ACP7: variants seen among roughly 807,000 people sequenced by gnomAD.
The protein encoded by ACP7 is acid phosphatase type 7.
Under a neutral mutation model 60.6 loss-of-function variants are expected in ACP7, and 58 were observed. The ratio of observed to expected loss-of-function variants is 0.96; its 90% CI spans 0.77 to 1.19. The LOEUF (loss-of-function observed/expected upper bound fraction) is 1.19. ACP7 is among the 50% of genes most tolerant of loss of function. The pLI, the probability that ACP7 is intolerant of heterozygous loss-of-function variation, is 0.00. For missense variants in ACP7, 574 were observed against 596.2 expected (o/e 0.96, Z 0.39); for synonymous variants, 237 against 232.6 (o/e 1.02, Z -0.17).
Position 39,100,569 on chromosome 19 carries a change from C to G in ACP7, c.630-11C>G. The G allele has an allele frequency of 1.1e-5, 18 of 1,613,798 alleles. No individual in the cohort carries two copies. The highest frequency in any genetic ancestry group is 1.5e-5 in the Non-Finnish European group (18 of 1,179,730). ...CCTTCACCTCCATCCCTTGTACTTC[C>G]TTTATTCCAGCAACTTCTCTAACTA... On this transcript the variant is annotated splice_polypyrimidine_tract_variant and intron_variant, in intron 5 of 12. Coordinates refer to ENST00000331256, the MANE Select transcript of ACP7 (RefSeq NM_001004318.3).
chr19:39,094,107 A>G (rs1279631232), intron 2 of ACP7, among the ~76,000 whole-genome samples: 1 of 152,162 alleles, frequency 6.6e-6, no homozygotes, highest in Non-Finnish European at 1.5e-5. Context: ...TAAAACCTTG[A>G]CTTGGGTGCT....
At position 39,110,791 on chromosome 19, in the gene ACP7, C is replaced by T. The variant is rs2073462333; in HGVS notation, c.*673C>T. ...TGCCAGTTCCTTCCCTCTTTCCTTC[C>T]TTTCTTTCCCTTCTTTTATTTATTG... On this transcript the variant is annotated 3_prime_UTR_variant, in exon 13 of 13. Coordinates refer to ENST00000331256, the MANE Select transcript of ACP7 (RefSeq NM_001004318.3). 6.6e-6 allele frequency: 1 copy of T among 152,262 alleles called. No homozygotes were observed. Among genetic ancestry groups the T allele is most frequent in the Admixed American group, 6.5e-5 (1 of 15,270 alleles). 9.4% of individuals were successfully genotyped at this position (152,262 alleles called of 1,614,324 possible).
intron 2 of ACP7, among the ~76,000 whole-genome samples, chr19:39,094,487 A>T (rs138648496): frequency 1.7e-3 from 213 of 125,774 alleles, no homozygotes; most frequent in African/African-American, 5.9e-3. Context: ...TGGGCGACAG[A>T]GTGAGACTTA....
intron 2 of ACP7, among the ~76,000 whole-genome samples, chr19:39,090,192 G>A (rs996763812): frequency 2.6e-5 from 4 of 151,244 alleles, no homozygotes; most frequent in African/African-American, 2.4e-5. Flanking sequence ...TTTTTGAGAC[G>A]GAGTCTTGCT....
chr19:39,094,633 G>A (rs931617236), intron 2 of ACP7, among the ~76,000 whole-genome samples: 7 of 151,906 alleles, frequency 4.6e-5, no homozygotes, highest in Non-Finnish European at 1.0e-4. Context: ...GACCAGCCTG[G>A]GCAACATGGC....
chr19:39,096,030 C>T (rs1343117578), intron 2 of ACP7, among the ~76,000 whole-genome samples: 2 of 152,226 alleles, frequency 1.3e-5, no homozygotes, highest in Non-Finnish European at 2.9e-5. Flanking sequence ...CCTCCTAGAC[C>T]TCTGGGTCTG....
At chr19:39,091,158 T>C (rs2073199657) in intron 2 of ACP7, among the ~76,000 whole-genome samples, 1 of 151,326 alleles carries the variant, frequency 6.6e-6, no homozygotes, top group Admixed American at 6.6e-5. Context: ...CCAGTTTCTT[T>C]TCTTTCTTTT....
In ACP7 at chr19:39,085,374, C is replaced by G. The variant is rs752365158; in HGVS notation, c.105C>G (p.Val35=). Residue 35 remains valine (V), a synonymous_variant, in exon 2 of 13, where the codon GTC becomes GTG. Coordinates refer to ENST00000331256, the MANE Select transcript of ACP7 (RefSeq NM_001004318.3). The part of the protein sequence containing the change: ...LGAPSAAPEQ[V]HLSYPGEPGS... ...CTCCCAGCGCTGCCCCAGAGCAAGTCCATCTGTCTTACCCAGGTAAGTGTC... is the reference window on the plus strand; with the variant it reads ...CTCCCAGCGCTGCCCCAGAGCAAGTGCATCTGTCTTACCCAGGTAAGTGTC... The G allele has an allele frequency of 7.4e-6, 12 of 1,612,124 alleles. No individual in the cohort carries two copies. In the South Asian group the frequency reaches 1.2e-4, roughly 16 times the overall value.
At chr19:39,094,743 C>T (rs1012375869) in intron 2 of ACP7, among the ~76,000 whole-genome samples, 5 of 152,056 alleles carry the variant, frequency 3.3e-5, no homozygotes, top group African/African-American at 1.2e-4. Flanking sequence ...GGGAGGATCA[C>T]TTGAACCCAG....
rs117752516 is a variant in ACP7, at chr19:39,101,189, G to T, written c.955G>T (p.Asp319Tyr). ...GLQGKLYGLE[D>Y]LFYKYGVDLQ... ...CCAAGGCAAGCTGTACGGGTTGGAG[G>T]ATCTTTTCTACAAATATGGTGAGCG... Residue 319 changes from aspartate (D) to tyrosine (Y), a missense_variant, in exon 9 of 13, where the codon GAT becomes TAT. Physicochemically the swap from Asp to Tyr is radical, Grantham distance 160 (BLOSUM62 -3). Coordinates refer to ENST00000331256, the MANE Select transcript of ACP7 (RefSeq NM_001004318.3). 24,485 of 1,614,114 alleles carry T rather than the reference G, an allele frequency of 0.015. 291 individuals are homozygous for T. Among genetic ancestry groups the T allele is most frequent in the Non-Finnish European group, 0.015 (18,271 of 1,180,016 alleles).
intron 2 of ACP7, 36 bp from the exon 3 acceptor site, chr19:39,098,422 T>C (rs2073294964): frequency 6.9e-7 from 1 of 1,443,508 alleles, no homozygotes; most frequent in Non-Finnish European, 9.2e-7. Flanking sequence ...TGCCCAGGCT[T>C]CACTCCCGGT....
In ACP7 at chr19:39,106,819, C is replaced by T. The variant is rs113978475; in HGVS notation, c.1114-128C>T. On this transcript the variant is annotated intron_variant, in intron 11 of 12. Transcript: ENST00000331256. ...AATTACAGGCATGAGCCACTGCGCCCGGCCTCTATGGTGGTCAAGTCTTCA... is the reference window on the plus strand; with the variant it reads ...AATTACAGGCATGAGCCACTGCGCCTGGCCTCTATGGTGGTCAAGTCTTCA... 8.8e-5 allele frequency: 103 copies of T among 1,166,636 alleles called. 1 individual carries two copies. The highest frequency in any genetic ancestry group is 2.3e-4 in the Admixed American group (10 of 44,158). The allele number at this position is 1,166,636 out of a possible 1,614,324, so 72.3% of individuals were successfully genotyped here.
intron 12 of ACP7, among the ~76,000 whole-genome samples, chr19:39,108,222 C>T (rs912132355): frequency 2.6e-5 from 4 of 151,390 alleles, no homozygotes; most frequent in Admixed American, 6.6e-5. Flanking sequence ...TTACTGCAAC[C>T]GCCACCTCCC....
chr19:39,111,048 T>G lies in ACP7; in HGVS notation c.*930T>G, dbSNP rs111498741. ...GGGGATCTCACTGAGAGGGCAACAT[T>G]TGATCTGAAGGAGGTGGGGAAGGAG... On this transcript the variant is annotated 3_prime_UTR_variant, in exon 13 of 13. Coordinates refer to ENST00000331256, the MANE Select transcript of ACP7 (RefSeq NM_001004318.3). The G allele has an allele frequency of 1.3e-5, 2 of 152,146 alleles. No homozygotes were observed. The highest frequency in any genetic ancestry group is 4.8e-5 in the African/African-American group (2 of 41,390). 9.4% of individuals were successfully genotyped at this position (152,146 alleles called of 1,614,324 possible).
chr19:39,100,814 G>C lies in ACP7; in HGVS notation c.768G>C (p.Leu256Phe), dbSNP rs1370103555. ...TCTTTCTCCATTATGGCCGCCACTT[G>C]GTACAGAGGCAGTTTCGCTGGCTGG... ...VYFFLHYGRH[L>F]VQRQFRWLES... Residue 256 changes from leucine to phenylalanine, a missense_variant, in exon 7 of 13, where the codon TTG (leucine) becomes TTC (phenylalanine). Leu to Phe is a conservative substitution (Grantham distance 22). Transcript: ENST00000331256. 5.6e-6 allele frequency: 9 copies of C among 1,613,822 alleles called. No homozygotes were observed. The highest frequency in any genetic ancestry group is 7.6e-6 in the Non-Finnish European group (9 of 1,180,002).
At chr19:39,102,718 T>TA (rs1568482583) in intron 11 of ACP7, among the ~76,000 whole-genome samples, 7 of 65,202 alleles carry the variant, frequency 1.1e-4, no homozygotes, top group Non-Finnish European at 1.6e-4. Context: ...TGAAGACTTT[T>TA]CTTTCTTTCT....
chr19:39,108,093 C>G (rs2073431007), intron 12 of ACP7, among the ~76,000 whole-genome samples: 1 of 150,764 alleles, frequency 6.6e-6, no homozygotes, highest in African/African-American at 2.4e-5. Flanking sequence ...AACTAGAAAC[C>G]TGCTCCTGCT....
Position 39,098,531 on chromosome 19 carries a change from G to A in ACP7, c.195G>A (p.Gln65=), listed in dbSNP as rs368929883. The A allele has an allele frequency of 6.2e-7, 1 of 1,611,452 alleles. No individual in the cohort carries two copies. The highest frequency in any genetic ancestry group is 8.5e-7 in the Non-Finnish European group (1 of 1,179,136). Residue 65 remains glutamine (Q), a synonymous_variant, in exon 3 of 13, where the codon CAG becomes CAA. Coordinates refer to ENST00000331256, the MANE Select transcript of ACP7 (RefSeq NM_001004318.3). Reference sequence around the variant, plus strand: ...GCTCTGAAGTGCAATTCGGGTTGCAGCCGTCGGGGCCCCTGCCCCTCCGCG... The same window carrying A: ...GCTCTGAAGTGCAATTCGGGTTGCAACCGTCGGGGCCCCTGCCCCTCCGCG... ...PTRSEVQFGL[Q]PSGPLPLRAQ... is the part of the protein sequence containing the mutation.
At position 39,098,907 on chromosome 19, in the gene ACP7, G is replaced by A. The variant is rs887301098; in HGVS notation, c.323-53G>A. On this transcript the variant is annotated intron_variant, in intron 3 of 12. Coordinates refer to ENST00000331256, the MANE Select transcript of ACP7 (RefSeq NM_001004318.3). Reference sequence around the variant, plus strand: ...CCAGTCGGGGAAGGATGGGGTTGGAGGGAGGGTCCCGGGGCGCCCCAGCTG... The same window carrying A: ...CCAGTCGGGGAAGGATGGGGTTGGAAGGAGGGTCCCGGGGCGCCCCAGCTG... The A allele has an allele frequency of 3.9e-6, 4 of 1,023,318 alleles. No individual in the cohort carries two copies. The African/African-American group carries it at 4.5e-5, about 12-fold the overall frequency. 63.4% of individuals were successfully genotyped at this position (1,023,318 alleles called of 1,614,324 possible).
Sources: allele counts gnomAD v4.1 joint callset (sites outside exome capture counted in the v4.1 genomes callset), GRCh38; gene constraint gnomAD v4.1.1; transcripts MANE v1.5; gene names NCBI Gene and HGNC (gene_info 2026-07-23, HGNC 2026-07-21).